The following TGFBI variants were observed in gnomAD, a reference collection of about 807,000 sequenced individuals.
The protein encoded by TGFBI is transforming growth factor-beta-induced protein ig-h3.
Under a neutral mutation model 73.7 loss-of-function variants are expected in TGFBI, and 50 were observed. The observed-to-expected ratio is 0.68, with a 90% CI of 0.54 to 0.86. The LOEUF (loss-of-function observed/expected upper bound fraction) is 0.86, where lower values mean the gene tolerates loss of function less well. Among genes scored for constraint, TGFBI ranks in the 40% least tolerant of loss-of-function variants. TGFBI has a pLI of 0.00. For synonymous variants in TGFBI, 362 were observed against 360.5 expected (o/e 1.00, Z -0.05); for missense variants, 839 against 877.0 (o/e 0.96, Z 0.55).
Position 136,046,720 on chromosome 5 carries a change from G to T in TGFBI, c.460-131G>T. ...GGGCAGAAAGACTTGGGTGCTTCCTGAGGAGGGATCCTTGGCAGAAGAGAG... is the reference window on the plus strand; with the variant it reads ...GGGCAGAAAGACTTGGGTGCTTCCTTAGGAGGGATCCTTGGCAGAAGAGAG... On this transcript the variant is annotated intron_variant, in intron 4 of 16. Coordinates refer to ENST00000442011, the MANE Select transcript of TGFBI (RefSeq NM_000358.3). The T allele has an allele frequency of 2.3e-6, 3 of 1,316,150 alleles. No individual in the cohort carries two copies. The South Asian group carries it at 4.6e-5, about 20-fold the overall frequency. The allele number at this position is 1,316,150 out of a possible 1,614,324, so 81.5% of individuals were successfully genotyped here. A position where few individuals can be genotyped will look rare whatever the true frequency, so the allele number is the denominator to read the frequency against.
chr5:136,036,700 C>T (rs1751228072), intron 2 of TGFBI, among the ~76,000 whole-genome samples: 1 of 152,020 alleles, frequency 6.6e-6, no homozygotes, highest in African/African-American at 2.4e-5. Context: ...GAAAGTAGGT[C>T]CCTAGATGCC....
chr5:136,055,873 T>G (rs1751622039), intron 11 of TGFBI, 57 bp downstream of exon 11: 8 of 1,523,746 alleles, frequency 5.3e-6, no homozygotes, highest in Non-Finnish European at 7.1e-6. Flanking sequence ...TGGAGTGGGA[T>G]GTGGGGCCCC....
chr5:136,036,242 A>G (rs1174692818), intron 2 of TGFBI, among the ~76,000 whole-genome samples: 1 of 152,238 alleles, frequency 6.6e-6, no homozygotes, highest in African/African-American at 2.4e-5. Context: ...GATGGGGTTC[A>G]GAGTGGACTC....
intron 2 of TGFBI, among the ~76,000 whole-genome samples, chr5:136,042,571 T>C (rs1487559468): frequency 1.3e-5 from 2 of 152,108 alleles, no homozygotes; most frequent in African/African-American, 4.8e-5. Flanking sequence ...CAATAGCCTG[T>C]TTAGCCCTTA....
chr5:136,059,156 G>T lies in TGFBI; in HGVS notation c.1745G>T (p.Gly582Val), dbSNP rs1416072496. 6.2e-7 allele frequency: 1 copy of T among 1,611,154 alleles called. No homozygotes were observed. The highest frequency in any genetic ancestry group is 2.2e-5 in the East Asian group (1 of 44,850). Residue 582 changes from glycine to valine, a missense_variant, in exon 13 of 17, where the codon GGC (glycine) becomes GTC (valine). Transcript: ENST00000442011. ...HIGDEILVSG[G>V]IGALVRLKSL... The stretch of plus-strand genomic sequence containing the variant: ...GGTGATGAAATCCTGGTTAGCGGAG[G>T]CATCGGGGCCCTGGTGCGGCTAAAG...
At chr5:136,062,549 T>C (rs1158742902) in intron 15 of TGFBI, 114 bp from the exon 16 acceptor site, 1 of 1,119,144 alleles carries the variant, frequency 8.9e-7, no homozygotes, top group African/African-American at 1.6e-5. Flanking sequence ...CCCCTTCCTC[T>C]TCCTCGCCCC....
chr5:136,057,913 A>G (rs1751678797), intron 12 of TGFBI, among the ~76,000 whole-genome samples: 1 of 152,152 alleles, frequency 6.6e-6, no homozygotes, highest in African/African-American at 2.4e-5. Flanking sequence ...CAAGAATGGA[A>G]TATTCCCCAA....
chr5:136,039,719 T>C (rs1751295997), intron 2 of TGFBI, among the ~76,000 whole-genome samples: 1 of 152,226 alleles, frequency 6.6e-6, no homozygotes, highest in African/African-American at 2.4e-5. Flanking sequence ...GAAGACTCTG[T>C]CCTCATCACC....
chr5:136,051,012 A>G (rs1751522716), intron 7 of TGFBI, among the ~76,000 whole-genome samples: 1 of 152,212 alleles, frequency 6.6e-6, no homozygotes, highest in African/African-American at 2.4e-5. Context: ...AGAGATACTC[A>G]CAGCACAAAA....
chr5:136,033,140 A>G (rs115728124), intron 1 of TGFBI, among the ~76,000 whole-genome samples: 3,801 of 152,210 alleles, frequency 0.025, 162 homozygotes, highest in African/African-American at 0.087. Context: ...ACCTCCCCGC[A>G]TCACTTACAG....
rs76093195 is a variant in TGFBI, at chr5:136,045,061, A to C, written c.298+939A>C. On this transcript the variant is annotated intron_variant, in intron 3 of 16. Coordinates refer to ENST00000442011, the MANE Select transcript of TGFBI (RefSeq NM_000358.3). The stretch of plus-strand genomic sequence containing the variant: ...CATGTTTAGTTGAATCTGTGGGTGA[A>C]GAACCCACAGATACGAAGGGCCAAC... Among the ~76,000 whole-genome samples the C allele has an allele frequency of 2.3e-3, 354 of 152,324 alleles. 3 individuals are homozygous for C. The highest frequency in any genetic ancestry group is 8.2e-3 in the African/African-American group (340 of 41,570).
rs373984033 is a variant in TGFBI at position 136,063,298 on chromosome 5, T to C, written c.*72T>C. ...TTCTCTCAGATTTCCACAGAGACTGTTTGAATGTTTTCAAAACCAAGTATC... is the reference window on the plus strand; with the variant it reads ...TTCTCTCAGATTTCCACAGAGACTGCTTGAATGTTTTCAAAACCAAGTATC... On this transcript the variant is annotated 3_prime_UTR_variant, in exon 17 of 17. Transcript: ENST00000442011. 513 of 1,411,758 alleles carry C rather than the reference T, an allele frequency of 3.6e-4. 2 individuals carry two copies. The highest frequency in any genetic ancestry group is 2.3e-3 in the South Asian group (191 of 83,922). 87.5% of individuals were successfully genotyped at this position (1,411,758 alleles called of 1,614,324 possible). A position where few individuals can be genotyped will look rare whatever the true frequency, so the allele number is the denominator to read the frequency against.
rs1169706115 is a variant in TGFBI, at chr5:136,037,244, C to T, written c.233+3383C>T. ...GGCTGTTATTGTGAATTTTATTGTT[C>T]GGAAATTCACTTTAGCATTTATTTC... is the stretch of plus-strand genomic sequence containing the variant. On this transcript the variant is annotated intron_variant, in intron 2 of 16. Coordinates refer to ENST00000442011, the MANE Select transcript of TGFBI (RefSeq NM_000358.3). 7.2e-5 allele frequency among the ~76,000 whole-genome samples: 11 copies of T among 152,232 alleles called. 1 individual carries two copies. Among genetic ancestry groups the T allele is most frequent in the Admixed American group, 5.2e-4 (8 of 15,296 alleles).
chr5:136,060,073 A>G (rs2126917265), intron 13 of TGFBI, among the ~76,000 whole-genome samples: 1 of 152,332 alleles, frequency 6.6e-6, no homozygotes, highest in South Asian at 2.1e-4. Context: ...GAAAATCTTA[A>G]GTGAGGCACC....
intron 10 of TGFBI, 86 bp from the exon 11 acceptor site, chr5:136,055,594 G>T: frequency 7.8e-7 from 1 of 1,281,960 alleles, no homozygotes. Flanking sequence ...CATGGATAAT[G>T]ACCCTGCTAC....
At chr5:136,053,206 A>C in intron 8 of TGFBI, 87 bp downstream of exon 8, 6 of 1,338,254 alleles carry the variant, frequency 4.5e-6, no homozygotes, top group Non-Finnish European at 6.3e-6. Context: ...AAATTCAGAG[A>C]TCTTTGGGCG....
Position 136,054,829 on chromosome 5 carries a change from G to T in TGFBI, c.1378G>T (p.Gly460Cys). Reference protein sequence around the residue: ...YHGQTLETLGGKKLRVFVYRN... With the variant: ...YHGQTLETLGCKKLRVFVYRN... ...TGGACAGACCCTGGAAACTCTGGGC[G>T]GCAAAAAACTGAGAGTTTTTGTTTA... is the stretch of plus-strand genomic sequence containing the variant. The change falls in exon 10 of 17, where the codon GGC (glycine) becomes TGC (cysteine). Residue 460 changes from glycine to cysteine, a missense_variant. Transcript: ENST00000442011. The T allele has an allele frequency of 1.2e-6, 2 of 1,613,660 alleles. No individual in the cohort carries two copies. The highest frequency in any genetic ancestry group is 1.7e-6 in the Non-Finnish European group (2 of 1,179,786).
intron 2 of TGFBI, among the ~76,000 whole-genome samples, chr5:136,041,187 G>A (rs1751332174): frequency 1.3e-5 from 2 of 152,246 alleles, no homozygotes; most frequent in Non-Finnish European, 2.9e-5. Context: ...CACACCTAGA[G>A]AGTGACAGAG....
rs1751352382 is a variant in TGFBI at position 136,042,148 on chromosome 5, G to A, written c.234-1910G>A. Reference sequence around the variant, plus strand: ...TAATACAGCCCTGGAATTTATCACAGAAAGCCTAGAATCCCATGCATATCC... The same window carrying A: ...TAATACAGCCCTGGAATTTATCACAAAAAGCCTAGAATCCCATGCATATCC... On this transcript the variant is annotated intron_variant, in intron 2 of 16. Coordinates refer to ENST00000442011, the MANE Select transcript of TGFBI (RefSeq NM_000358.3). Among the ~76,000 whole-genome samples the A allele has an allele frequency of 2.0e-5, 3 of 152,282 alleles. No individual in the cohort carries two copies. In the South Asian group the frequency reaches 6.2e-4, roughly 32 times the overall value.
Sources: gnomAD v4.1 joint callset for allele counts (sites outside exome capture counted in the v4.1 genomes callset) on GRCh38, gnomAD v4.1.1 for gene constraint, MANE v1.5 for transcripts, NCBI Gene and HGNC (gene_info 2026-07-23, HGNC 2026-07-21) for gene names.